Variants in GRM1 observed in about 807,000 individuals in gnomAD.
The protein encoded by GRM1 is metabotropic glutamate receptor 1.
In GRM1, 33 loss-of-function variants were observed where a neutral mutation model predicts 90.9. That is an observed-to-expected ratio of 0.36 (90% CI 0.28 to 0.49). GRM1 has a LOEUF of 0.49. GRM1 is among the 20% of genes least tolerant of loss of function. The pLI is 0.99. For synonymous variants in GRM1, 700 were observed against 613.2 expected, an observed-to-expected ratio of 1.14 and a Z score of -2.09; for missense variants, 1,190 against 1,534.3, an observed-to-expected ratio of 0.78 and a Z score of 3.75.
At position 146,434,906 on chromosome 6, in the gene GRM1, G is replaced by A; in HGVS notation, c.*110G>A. ...CTGGGAGTGGGGGGCCTCGTCGGGAGGACAGGAGACCGCTGCTGCTGCTGC... is the reference window on the plus strand; with the variant it reads ...CTGGGAGTGGGGGGCCTCGTCGGGAAGACAGGAGACCGCTGCTGCTGCTGC... On this transcript the variant is annotated 3_prime_UTR_variant, in exon 8 of 8. Transcript: ENST00000282753. 1 of 943,248 alleles carries A rather than the reference G, an allele frequency of 1.1e-6. No homozygotes were observed. Among genetic ancestry groups the A allele is most frequent in the South Asian group, 1.3e-5 (1 of 74,492 alleles). The allele number at this position is 943,248 out of a possible 1,614,324, so 58.4% of individuals were successfully genotyped here.
At chr6:146,276,362 T>C (rs537035681) in intron 2 of GRM1, among the ~76,000 whole-genome samples, 1 of 152,336 alleles carries the variant, frequency 6.6e-6, no homozygotes, top group East Asian at 1.9e-4. Flanking sequence ...TTAGATAATC[T>C]AAAAATTTCA....
chr6:146,259,349 A>C (rs1267299666), intron 2 of GRM1, among the ~76,000 whole-genome samples: 1 of 152,188 alleles, frequency 6.6e-6, no homozygotes, highest in African/African-American at 2.4e-5. Flanking sequence ...TTTACAAAAA[A>C]TTTAAGTGCA....
intron 2 of GRM1, among the ~76,000 whole-genome samples, chr6:146,292,671 A>C (rs1048767555): frequency 2.0e-5 from 3 of 151,976 alleles, no homozygotes; most frequent in Admixed American, 6.6e-5. Flanking sequence ...GCTGGTGGGA[A>C]TGTAGAATAG....
chr6:146,375,529 C>G (rs1776064087), intron 5 of GRM1, among the ~76,000 whole-genome samples: 1 of 151,976 alleles, frequency 6.6e-6, no homozygotes, highest in African/African-American at 2.4e-5. Context: ...TGGGGCCTGT[C>G]TCTCTCTATA....
chr6:146,349,769 T>G (rs1455850573), intron 3 of GRM1, among the ~76,000 whole-genome samples: 1 of 152,210 alleles, frequency 6.6e-6, no homozygotes. Flanking sequence ...ATTTGTCAAA[T>G]CCTTAAAAAA....
chr6:146,132,390 G>A (rs1225359802), intron 1 of GRM1, among the ~76,000 whole-genome samples: 2 of 152,258 alleles, frequency 1.3e-5, no homozygotes, highest in Admixed American at 1.3e-4. Context: ...TCATTAAGAA[G>A]TTGACAGATT....
chr6:146,296,274 A>C (rs1783174982), intron 2 of GRM1, among the ~76,000 whole-genome samples: 1 of 152,112 alleles, frequency 6.6e-6, no homozygotes, highest in East Asian at 1.9e-4. Context: ...TTCTGTTTTT[A>C]GCTCCTTTTA....
intron 3 of GRM1, among the ~76,000 whole-genome samples, chr6:146,346,532 C>T (rs1272783706): frequency 6.6e-6 from 1 of 151,992 alleles, no homozygotes; most frequent in Non-Finnish European, 1.5e-5. Context: ...GAAACAATTC[C>T]CAGGTCCTAG....
intron 5 of GRM1, among the ~76,000 whole-genome samples, chr6:146,381,185 C>G (rs1776305366): frequency 6.6e-6 from 1 of 152,172 alleles, no homozygotes; most frequent in African/African-American, 2.4e-5. Context: ...CCTAGTTCAG[C>G]CCTAGGACTC....
At chr6:146,227,084 TTATC>T (rs1221241262) in intron 2 of GRM1, among the ~76,000 whole-genome samples, 2 of 152,144 alleles carry the variant, frequency 1.3e-5, no homozygotes, top group African/African-American at 4.8e-5. Context: ...TATCTATCAT[TTATC>T]TATCTTTAGT....
At chr6:146,396,840 G>T (rs775157371) in intron 6 of GRM1, among the ~76,000 whole-genome samples, 2 of 152,074 alleles carry the variant, frequency 1.3e-5, no homozygotes, top group Non-Finnish European at 1.5e-5. Flanking sequence ...AAAACCAAAG[G>T]TTATATGACT....
At chr6:146,408,176 T>C (rs979015973) in intron 7 of GRM1, among the ~76,000 whole-genome samples, 1 of 152,066 alleles carries the variant, frequency 6.6e-6, no homozygotes, top group African/African-American at 2.4e-5. Flanking sequence ...GCAAGCTCTC[T>C]CCTGTATCTT....
intron 1 of GRM1, among the ~76,000 whole-genome samples, chr6:146,101,506 A>G (rs1405942029): frequency 6.6e-6 from 1 of 152,106 alleles, no homozygotes. Context: ...TTTAGGCATG[A>G]TGGGCCACGC....
At chr6:146,156,431 T>C (rs932723000) in intron 1 of GRM1, among the ~76,000 whole-genome samples, 1 of 152,074 alleles carries the variant, frequency 6.6e-6, no homozygotes, top group African/African-American at 2.4e-5. Context: ...AAAGTAGGCT[T>C]CTATCAGTCC....
intron 1 of GRM1, among the ~76,000 whole-genome samples, chr6:146,036,760 A>G (rs1481321720): frequency 6.6e-6 from 1 of 151,922 alleles, no homozygotes; most frequent in Non-Finnish European, 1.5e-5. Context: ...AAAAGCCTTA[A>G]TTTGTAGTAG....
intron 5 of GRM1, among the ~76,000 whole-genome samples, chr6:146,366,463 A>G (rs2115078504): frequency 6.6e-6 from 1 of 152,120 alleles, no homozygotes; most frequent in Admixed American, 6.6e-5. Context: ...CTGTATTTTT[A>G]TACGCATTAA....
rs138016441 is a variant in GRM1, at chr6:146,297,353, G to T, written c.951-7258G>T. 7.2e-3 allele frequency among the ~76,000 whole-genome samples: 1,093 copies of T among 152,014 alleles called. 50 individuals carry two copies. The highest frequency in any genetic ancestry group is 0.062 in the Admixed American group (951 of 15,258). On this transcript the variant is annotated intron_variant, in intron 2 of 7. Transcript: ENST00000282753. Reference sequence around the variant, plus strand: ...TTTTTTGTATTTTTAGTAGAGATGGGGTTTCACTGTGTTAGCCAGGATGGT... The same window carrying T: ...TTTTTTGTATTTTTAGTAGAGATGGTGTTTCACTGTGTTAGCCAGGATGGT...
rs362926 is a variant in GRM1 at position 146,395,116 on chromosome 6, A to G, written c.1730-3653A>G. Among the ~76,000 whole-genome samples, 1,480 of 152,200 alleles carry G rather than the reference A, an allele frequency of 9.7e-3. 23 individuals carry two copies. The highest frequency in any genetic ancestry group is 0.034 in the African/African-American group (1,410 of 41,530). ...ATTTTCTTCCATAGGCTCCCAAACC[A>G]TAGAGAGCAGAGACCTTTTAGTTGG... On this transcript the variant is annotated intron_variant, in intron 6 of 7. Coordinates refer to ENST00000282753, the MANE Select transcript of GRM1 (RefSeq NM_001278064.2).
intron 1 of GRM1, among the ~76,000 whole-genome samples, chr6:146,090,288 T>C (rs1195944578): frequency 6.6e-6 from 1 of 152,110 alleles, no homozygotes; most frequent in Non-Finnish European, 1.5e-5. Flanking sequence ...TAAATTCTAT[T>C]TTTAACTCTT....
Sources: allele counts gnomAD v4.1 joint callset (sites outside exome capture counted in the v4.1 genomes callset), GRCh38; gene constraint gnomAD v4.1.1; transcripts MANE v1.5; gene names NCBI Gene and HGNC (gene_info 2026-07-23, HGNC 2026-07-21).